SMAP1: variants seen among roughly 807,000 people sequenced by gnomAD.
The protein encoded by SMAP1 is small ArfGAP 1.
Under a neutral mutation model 58.5 loss-of-function variants are expected in SMAP1, and 24 were observed. The ratio of observed to expected loss-of-function variants is 0.41; its 90% confidence interval spans 0.30 to 0.58. SMAP1 has a LOEUF of 0.58. Among genes scored for constraint, SMAP1 ranks in the 20% least tolerant of loss-of-function variants. The pLI, the probability that SMAP1 is intolerant of heterozygous loss-of-function variation, is 0.29. For missense variants in SMAP1, 563 were observed against 566.3 expected (o/e 0.99, Z 0.06); for synonymous variants, 216 against 196.6 (o/e 1.10, Z -0.82).
intron 1 of SMAP1, among the ~76,000 whole-genome samples, chr6:70,709,018 A>G (rs533327738): frequency 2.6e-4 from 40 of 152,022 alleles, no homozygotes; most frequent in Admixed American, 1.0e-3. Flanking sequence ...TTTCGCTGTG[A>G]TATCTAGAAA....
intron 1 of SMAP1, among the ~76,000 whole-genome samples, chr6:70,719,581 G>T (rs188361091): frequency 1.3e-5 from 2 of 152,086 alleles, no homozygotes; most frequent in African/African-American, 4.8e-5. Flanking sequence ...TTTGTCTCCT[G>T]TATCAGTCGG....
At chr6:70,838,845 G>A (rs1770699910) in intron 7 of SMAP1, among the ~76,000 whole-genome samples, 1 of 152,186 alleles carries the variant, frequency 6.6e-6, no homozygotes, top group Non-Finnish European at 1.5e-5. Context: ...TCTGACTTTT[G>A]TATTTGAAGA....
chr6:70,668,158 C>T lies in SMAP1; in HGVS notation c.118+17C>T, dbSNP rs1207879761. 2 of 1,588,558 alleles carry T rather than the reference C, an allele frequency of 1.3e-6. No individual in the cohort carries two copies. The highest frequency in any genetic ancestry group is 1.1e-5 in the South Asian group (1 of 88,652). ...AGGCCAAAGGTAGCTTGGACGTCGT[C>T]GCTGCCCACGGTCGGGGCCTCTTGC... On this transcript the variant is annotated intron_variant, in intron 1 of 10. Coordinates refer to ENST00000370455, the MANE Select transcript of SMAP1 (RefSeq NM_001044305.3).
chr6:70,810,893 A>G lies in SMAP1; in HGVS notation c.576+12156A>G, dbSNP rs558845600. On this transcript the variant is annotated intron_variant, in intron 6 of 10. Coordinates refer to ENST00000370455, the MANE Select transcript of SMAP1 (RefSeq NM_001044305.3). ...GCCTTTCTGTCTTTACTAACATTCC[A>G]TCAAATGGATGTAGCATAATTTACC... Among the ~76,000 whole-genome samples, 10 of 152,196 alleles carry G rather than the reference A, an allele frequency of 6.6e-5. No homozygotes were observed. In the South Asian group the frequency reaches 1.0e-3, roughly 16 times the overall value.
Position 70,860,567 on chromosome 6 carries a change from A to C in SMAP1, c.*233A>C, listed in dbSNP as rs1771674865. 2.2e-6 allele frequency: 1 copy of C among 448,342 alleles called. No homozygotes were observed. Among genetic ancestry groups the C allele is most frequent in the Admixed American group, 4.0e-5 (1 of 24,840 alleles). The allele number at this position is 448,342 out of a possible 1,614,324, so 27.8% of individuals were successfully genotyped here. A position where few individuals can be genotyped will look rare whatever the true frequency, so the allele number is the denominator to read the frequency against. On this transcript the variant is annotated 3_prime_UTR_variant, in exon 11 of 11. Transcript: ENST00000370455. ...CTTTGCTCATATTTCCCATGATTTC[A>C]TGTACTGCATTATTTGAGAAGCTGC...
At chr6:70,737,941 A>G (rs1414135660) in intron 2 of SMAP1, among the ~76,000 whole-genome samples, 1 of 152,214 alleles carries the variant, frequency 6.6e-6, no homozygotes, top group African/African-American at 2.4e-5. Flanking sequence ...AACTTGAGCT[A>G]GCATATGAAA....
chr6:70,758,829 A>G (rs1766627085), intron 3 of SMAP1, among the ~76,000 whole-genome samples: 1 of 152,122 alleles, frequency 6.6e-6, no homozygotes, highest in Non-Finnish European at 1.5e-5. Flanking sequence ...TTGGTTGACC[A>G]TAAAGCTTAT....
At chr6:70,725,136 A>C (rs1474644863) in intron 1 of SMAP1, among the ~76,000 whole-genome samples, 3 of 68,244 alleles carry the variant, frequency 4.4e-5, no homozygotes, top group African/African-American at 9.9e-5. Context: ...TTTTTTTTTG[A>C]GACGGAGTCT....
chr6:70,793,847 G>T (rs977309452), intron 5 of SMAP1, among the ~76,000 whole-genome samples: 6 of 151,996 alleles, frequency 3.9e-5, no homozygotes, highest in African/African-American at 1.5e-4. Flanking sequence ...CAATTCTTCT[G>T]CCTCAGCCTC....
chr6:70,854,549 G>A lies in SMAP1; in HGVS notation c.789+1885G>A, dbSNP rs1771321253. On this transcript the variant is annotated intron_variant, in intron 8 of 10. Coordinates refer to ENST00000370455, the MANE Select transcript of SMAP1 (RefSeq NM_001044305.3). ...AGGCAGGAGAATTGCTTGAACCCGG[G>A]AGGCAGAGGTTGCAGTGAGCGGAGA... Among the ~76,000 whole-genome samples the A allele has an allele frequency of 3.3e-5, 5 of 152,034 alleles. No individual in the cohort carries two copies. The South Asian group carries it at 1.0e-3, about 32-fold the overall frequency.
rs191987059 is a variant in SMAP1 at position 70,809,937 on chromosome 6, G to A, written c.576+11200G>A. On this transcript the variant is annotated intron_variant, in intron 6 of 10. Transcript: ENST00000370455. ...GGAAGCATTTTAGTGTTGCTTCCCT[G>A]TTGCCCAAGTTTTATTATGGTATAG... Among the ~76,000 whole-genome samples, 13 of 152,192 alleles carry A rather than the reference G, an allele frequency of 8.5e-5. No homozygotes were observed. In the East Asian group the frequency reaches 2.1e-3, roughly 25 times the overall value.
At chr6:70,792,582 T>C (rs922456349) in intron 5 of SMAP1, among the ~76,000 whole-genome samples, 1 of 152,002 alleles carries the variant, frequency 6.6e-6, no homozygotes, top group African/African-American at 2.4e-5. Flanking sequence ...GGAGGCATCA[T>C]TTTGATGCAT....
rs79941877 is a variant in SMAP1 at position 70,840,179 on chromosome 6, G to A, written c.664+3151G>A. 4.9e-3 allele frequency among the ~76,000 whole-genome samples: 739 copies of A among 152,308 alleles called. 8 individuals are homozygous for A. The highest frequency in any genetic ancestry group is 0.017 in the African/African-American group (688 of 41,566). The stretch of plus-strand genomic sequence containing the variant: ...AAAATATAGAGAGAACTTGTATAGC[G>A]ATAGTTCAGTTAACACAGCTATGGA... On this transcript the variant is annotated intron_variant, in intron 7 of 10. Transcript: ENST00000370455.
Position 70,861,859 on chromosome 6 carries a change from G to GTTC in SMAP1, c.*1529_*1531dup, listed in dbSNP as rs779501635. The GTTC allele has an allele frequency of 1.2e-6, 2 of 1,613,984 alleles. No homozygotes were observed. Among genetic ancestry groups the GTTC allele is most frequent in the African/African-American group, 2.7e-5 (2 of 74,922 alleles). On this transcript the variant is annotated 3_prime_UTR_variant, in exon 11 of 11. Coordinates refer to ENST00000370455, the MANE Select transcript of SMAP1 (RefSeq NM_001044305.3). ...GTGCAGTTATTTGCTTTCGGTTCCA[G>GTTC]TTCTTCGACTGTTGTTATCTGTTTG...
In SMAP1 at chr6:70,667,921, T is replaced by G. The variant is rs1766091365; in HGVS notation, c.-103T>G. 5.1e-6 allele frequency: 5 copies of G among 979,906 alleles called. No homozygotes were observed. The highest frequency in any genetic ancestry group is 7.4e-6 in the Non-Finnish European group (5 of 679,886). The allele number at this position is 979,906 out of a possible 1,614,324, so 60.7% of individuals were successfully genotyped here. A position where few individuals can be genotyped will look rare whatever the true frequency, so the allele number is the denominator to read the frequency against. On this transcript the variant is annotated 5_prime_UTR_variant, in exon 1 of 11. Transcript: ENST00000370455. ...TGCCGCTGCCGCTTCCTGGGCTGAG[T>G]CCGCCCGCGGTCCCGGCGGCGCCAG...
intron 6 of SMAP1, among the ~76,000 whole-genome samples, chr6:70,834,345 A>C (rs1770480895): frequency 6.7e-6 from 1 of 149,152 alleles, no homozygotes; most frequent in Admixed American, 6.8e-5. Context: ...GCTTTTTTCC[A>C]TGGAAGAAGA....
intron 1 of SMAP1, among the ~76,000 whole-genome samples, chr6:70,680,387 C>T (rs1766649873): frequency 6.6e-6 from 1 of 152,116 alleles, no homozygotes; most frequent in African/African-American, 2.4e-5. Context: ...ACTTAAAAAT[C>T]ATAGATGGCT....
intron 1 of SMAP1, among the ~76,000 whole-genome samples, chr6:70,688,202 C>T (rs940622675): frequency 5.3e-5 from 8 of 152,152 alleles, no homozygotes; most frequent in Admixed American, 1.3e-4. Context: ...AACCATTCAT[C>T]TGTTGAAGGA....
rs547660443 is a variant in SMAP1 at position 70,860,857 on chromosome 6, A to C, written c.*523A>C. ...ACTGTGCTGTTGTTATGATGTGCTT[A>C]ACAGGGAACGTGATTAGTGAAAGGA... On this transcript the variant is annotated 3_prime_UTR_variant, in exon 11 of 11. Coordinates refer to ENST00000370455, the MANE Select transcript of SMAP1 (RefSeq NM_001044305.3). 9 of 394,916 alleles carry C rather than the reference A, an allele frequency of 2.3e-5. No individual in the cohort carries two copies. Among genetic ancestry groups the C allele is most frequent in the African/African-American group, 1.4e-4 (7 of 48,662 alleles). The allele number at this position is 394,916 out of a possible 1,614,324, so 24.5% of individuals were successfully genotyped here.
Sources: allele counts gnomAD v4.1 joint callset (sites outside exome capture counted in the v4.1 genomes callset), GRCh38; gene constraint gnomAD v4.1.1; transcripts MANE v1.5; gene names NCBI Gene and HGNC (gene_info 2026-07-23, HGNC 2026-07-21).